Variants in EXOC3L1 observed in about 807,000 individuals in gnomAD.
EXOC3L1 encodes the protein exocyst complex component 3 like 1.
A neutral mutation model predicts 83.6 loss-of-function variants in EXOC3L1; 79 were observed. The ratio of observed to expected loss-of-function variants is 0.95; its 90% CI spans 0.79 to 1.14. The LOEUF is 1.14. EXOC3L1 is among the 50% of genes most tolerant of loss of function. EXOC3L1 has a pLI of 0.00. For missense variants in EXOC3L1, 945 were observed against 972.0 expected (o/e 0.97, Z 0.37); for synonymous variants, 433 against 451.2 (o/e 0.96, Z 0.51).
chr16:67,185,685 G>A, intron 9 of EXOC3L1, 195 bp from the exon 10 acceptor site: 1 of 597,312 alleles, frequency 1.7e-6, no homozygotes, highest in Non-Finnish European at 3.0e-6. Context: ...AAAGGACACA[G>A]CCCAGCGAGA....
At chr16:67,185,989 A>T (rs1251938522) in intron 9 of EXOC3L1, among the ~76,000 whole-genome samples, 1 of 152,184 alleles carries the variant, frequency 6.6e-6, no homozygotes, top group East Asian at 1.9e-4. Flanking sequence ...GCCACTTTAC[A>T]TGTTATCTCA....
chr16:67,189,872 G>T (rs8051891), intron 1 of EXOC3L1, 99 bp downstream of exon 1: 1 of 611,002 alleles, frequency 1.6e-6, no homozygotes, highest in Admixed American at 2.8e-5. Context: ...TTTCCCAGTC[G>T]TGCCCCTGCA....
At position 67,186,243 on chromosome 16, in the gene EXOC3L1, G is replaced by A; in HGVS notation, c.1490C>T (p.Ala497Val). 1 of 1,569,454 alleles carries A rather than the reference G, an allele frequency of 6.4e-7. No individual in the cohort carries two copies. The highest frequency in any genetic ancestry group is 2.4e-5 in the East Asian group (1 of 42,366). The change falls in exon 9 of 14, where the codon GCA becomes GTA. Residue 497 changes from alanine to valine, a missense_variant. Coordinates refer to ENST00000314586, the MANE Select transcript of EXOC3L1 (RefSeq NM_178516.4). Reference protein sequence around the residue: ...YLLAALNHKSALSSSVSVLQL... With the variant: ...YLLAALNHKSVLSSSVSVLQL... ...CCTGGGGGCCTTCTGGTACCTGAGTGCTGACTTGTGGTTGAGGGCGGCCAG... is the reference window on the plus strand; with the variant it reads ...CCTGGGGGCCTTCTGGTACCTGAGTACTGACTTGTGGTTGAGGGCGGCCAG...
rs760850696 is a variant in EXOC3L1 at position 67,186,853 on chromosome 16, A to G, written c.1190T>C (p.Leu397Pro). 11 of 1,613,606 alleles carry G rather than the reference A, an allele frequency of 6.8e-6. No homozygotes were observed. The South Asian group carries it at 1.1e-4, about 16-fold the overall frequency. ...GCCCCACTCAGCTACCTCCCCATCC[A>G]GTGCATTCTGCAGCCACTGAGACAC... The part of the protein sequence containing the change: ...ASVSQWLQNA[L>P]DGEVAEWGRE... The change falls in exon 7 of 14, where the codon CTG (leucine) becomes CCG (proline). Residue 397 changes from leucine (L) to proline (P), a missense_variant. Leu to Pro is a moderately conservative substitution (Grantham distance 98, BLOSUM62 -3). Transcript: ENST00000314586.
Position 67,186,762 on chromosome 16 carries a change from C to T in EXOC3L1, c.1281G>A (p.Leu427=), listed in dbSNP as rs766764426. ...SYYSPMPAIV[L]QILEENIRVA... is the part of the protein sequence containing the mutation. ...TGTCTGGCCACTTCCCACCTACCTG[C>T]AGCACAATGGCTGGCATTGGTGAGT... is the stretch of plus-strand genomic sequence containing the variant. Residue 427 remains leucine, a synonymous_variant, in exon 7 of 14, where the codon CTG becomes CTA. Transcript: ENST00000314586. The T allele has an allele frequency of 3.7e-6, 6 of 1,613,930 alleles. No homozygotes were observed. The Admixed American group carries it at 1.0e-4, about 27-fold the overall frequency.
In EXOC3L1 at chr16:67,184,927, T is replaced by C; in HGVS notation, c.1880A>G (p.Gln627Arg). The C allele has an allele frequency of 2.5e-6, 4 of 1,612,280 alleles. No individual in the cohort carries two copies. Among genetic ancestry groups the C allele is most frequent in the Non-Finnish European group, 1.7e-6 (2 of 1,179,706 alleles). Residue 627 changes from glutamine to arginine, a missense_variant, in exon 12 of 14, where the codon CAG becomes CGG. Coordinates refer to ENST00000314586, the MANE Select transcript of EXOC3L1 (RefSeq NM_178516.4). ...CAAACTGAGGAAAAGCTGCTGAAGC[T>C]GGGCAGCATCGTGCCGCAGGCGCTC... is the stretch of plus-strand genomic sequence containing the variant. Reference protein sequence around the residue: ...AAERLRHDAAQLQQLFLSLGL... With the variant: ...AAERLRHDAARLQQLFLSLGL...
At chr16:67,189,818 G>A (rs897280902) in intron 1 of EXOC3L1, 135 bp from the exon 2 acceptor site, 1 of 862,934 alleles carries the variant, frequency 1.2e-6, no homozygotes, top group Non-Finnish European at 1.8e-6. Flanking sequence ...GTGAGAGGGA[G>A]CGGGTGTGAT....
At chr16:67,185,553 C>T (rs1286843278) in intron 9 of EXOC3L1, 63 bp from the exon 10 acceptor site, 6 of 1,503,654 alleles carry the variant, frequency 4.0e-6, no homozygotes, top group Non-Finnish European at 5.5e-6. Flanking sequence ...CTCGGTGGTC[C>T]AGACCCTCCG....
At position 67,187,152 on chromosome 16, in the gene EXOC3L1, G is replaced by A. The variant is rs1381659997; in HGVS notation, c.1041-14C>T. 2 of 1,612,198 alleles carry A rather than the reference G, an allele frequency of 1.2e-6. No homozygotes were observed. Among genetic ancestry groups the A allele is most frequent in the Non-Finnish European group, 1.7e-6 (2 of 1,179,686 alleles). ...ATCATTTCCTGCCTGGAGATAGGTG[G>A]CCTGGTGTCACACCAAGCCACCAAG... On this transcript the variant is annotated splice_polypyrimidine_tract_variant and intron_variant, in intron 5 of 13. Coordinates refer to ENST00000314586, the MANE Select transcript of EXOC3L1 (RefSeq NM_178516.4).
At position 67,187,615 on chromosome 16, in the gene EXOC3L1, G is replaced by A. The variant is rs2032766234; in HGVS notation, c.650C>T (p.Pro217Leu). 5 of 1,608,162 alleles carry A rather than the reference G, an allele frequency of 3.1e-6. No homozygotes were observed. Among genetic ancestry groups the A allele is most frequent in the Non-Finnish European group, 4.2e-6 (5 of 1,178,100 alleles). The change falls in exon 5 of 14, where the codon CCA becomes CTA. Residue 217 changes from proline (P) to leucine (L), a missense_variant. By Grantham distance (98) the Pro-to-Leu change is moderately conservative. Transcript: ENST00000314586. ...GAAGKLAREDPALLVAAVRVA... is the reference protein window; with the variant it reads ...GAAGKLAREDLALLVAAVRVA... ...ACGCACAGCAGCCACCAACAGGGCT[G>A]GGTCCTCCCGTGCCAGCTTCCCTGC...
Position 67,185,385 on chromosome 16 carries a change from C to T in EXOC3L1, c.1602G>A (p.Leu534=). 6.2e-7 allele frequency: 1 copy of T among 1,612,856 alleles called. No homozygotes were observed. The highest frequency in any genetic ancestry group is 2.2e-5 in the East Asian group (1 of 44,884). Residue 534 remains leucine, a synonymous_variant, in exon 10 of 14, where the codon TTG becomes TTA. Transcript: ENST00000314586. ...ELQRRIYRLV[L]EALQAELQPL... is the part of the protein sequence containing the mutation. ...CCTGGAGCTCCGCCTGCAGCGCCTC[C>T]AACACCAAGCGGTAGATCCTCCTCT... is the stretch of plus-strand genomic sequence containing the variant.
At position 67,184,447 on chromosome 16, in the gene EXOC3L1, C is replaced by G; in HGVS notation, c.2188G>C (p.Ala730Pro). The part of the protein sequence containing the change: ...SLVPAPALAP[A>P]SCLPSGSCAR... Reference sequence around the variant, plus strand: ...CAGGACCCCGAGGGCAGGCAGGAGGCCGGCGCGAGCGCGGGCGCGGGCACT... The same window carrying G: ...CAGGACCCCGAGGGCAGGCAGGAGGGCGGCGCGAGCGCGGGCGCGGGCACT... Residue 730 changes from alanine (A) to proline (P), a missense_variant, in exon 14 of 14, where the codon GCC becomes CCC. Physicochemically the swap from Ala to Pro is conservative, Grantham distance 27. Transcript: ENST00000314586. The G allele has an allele frequency of 6.5e-7, 1 of 1,529,182 alleles. No individual in the cohort carries two copies. The highest frequency in any genetic ancestry group is 8.7e-7 in the Non-Finnish European group (1 of 1,144,120). 94.7% of individuals were successfully genotyped at this position (1,529,182 alleles called of 1,614,324 possible).
chr16:67,185,094 T>G (rs1025413712), intron 11 of EXOC3L1, 37 bp from the exon 12 acceptor site: 3 of 1,612,378 alleles, frequency 1.9e-6, no homozygotes. Context: ...AGGTCGCCTC[T>G]CACCCGCGCC....
In EXOC3L1 at chr16:67,184,958, C is replaced by T; in HGVS notation, c.1849G>A (p.Ala617Thr). ...VCRGADERTQ[A>T]AERLRHDAAQ... is the part of the protein sequence containing the mutation. ...GCATCGTGCCGCAGGCGCTCGGCCG[C>T]CTGGGTCCTCTCGTCGGCTCCGCGG... is the stretch of plus-strand genomic sequence containing the variant. Residue 617 changes from alanine to threonine, a missense_variant, in exon 12 of 14, where the codon GCG becomes ACG. Transcript: ENST00000314586. 1.9e-6 allele frequency: 3 copies of T among 1,610,868 alleles called. No homozygotes were observed. Among genetic ancestry groups the T allele is most frequent in the Non-Finnish European group, 8.5e-7 (1 of 1,179,292 alleles).
chr16:67,185,157 G>A lies in EXOC3L1; in HGVS notation c.1728C>T (p.Arg576=). 1 of 1,613,332 alleles carries A rather than the reference G, an allele frequency of 6.2e-7. No individual in the cohort carries two copies. The highest frequency in any genetic ancestry group is 2.2e-5 in the East Asian group (1 of 44,886). ...RTGRFCRDFW[R]VRNPTVQLLL... is the part of the protein sequence containing the mutation. ...CCACCTGAACCGTGGGGTTCCGCAC[G>A]CGCCAGAAGTCCCGGCAGAAGCGCC... is the stretch of plus-strand genomic sequence containing the variant. Residue 576 remains arginine (R), a synonymous_variant, in exon 11 of 14, where the codon CGC becomes CGT. Transcript: ENST00000314586.
rs1478826049 is a variant in EXOC3L1 at position 67,189,903 on chromosome 16, G to A, written c.-8+68C>T. ...CTGCAGATGTCAAGCGAGACAGAGT[G>A]GGCACAGGCCTCCACTGGACCCTGG... On this transcript the variant is annotated intron_variant, in intron 1 of 13. Coordinates refer to ENST00000314586, the MANE Select transcript of EXOC3L1 (RefSeq NM_178516.4). 3.2e-5 allele frequency: 19 copies of A among 590,268 alleles called. No individual in the cohort carries two copies. In the Admixed American group the frequency reaches 4.6e-4, roughly 14 times the overall value. 36.6% of individuals were successfully genotyped at this position (590,268 alleles called of 1,614,324 possible).
At chr16:67,188,093 A>C (rs1278199077) in intron 4 of EXOC3L1, among the ~76,000 whole-genome samples, 5 of 152,040 alleles carry the variant, frequency 3.3e-5, no homozygotes, top group African/African-American at 1.2e-4. Context: ...AAAATACAAA[A>C]ATTAGCCAGG....
chr16:67,185,625 CTGG>C, intron 9 of EXOC3L1, 135 bp from the exon 10 acceptor site: 1 of 803,542 alleles, frequency 1.2e-6, no homozygotes, highest in Non-Finnish European at 2.0e-6. Flanking sequence ...CTCTGCACTT[CTGG>C]TCCCAGGCAT....
chr16:67,184,855 C>T (rs1464347729), intron 12 of EXOC3L1, 45 bp from the exon 13 acceptor site: 1 of 1,609,294 alleles, frequency 6.2e-7, no homozygotes, highest in Non-Finnish European at 8.5e-7. Flanking sequence ...TCTCTCCCAC[C>T]CAGCCACTGA....
Sources: allele counts gnomAD v4.1 joint callset (sites outside exome capture counted in the v4.1 genomes callset), GRCh38; gene constraint gnomAD v4.1.1; transcripts MANE v1.5; gene names NCBI Gene and HGNC (gene_info 2026-07-23, HGNC 2026-07-21).